ZMAT4: variants seen among roughly 807,000 people sequenced by gnomAD.
ZMAT4 encodes the protein zinc finger matrin-type protein 4.
ZMAT4 carries 17 observed loss-of-function variants against 28.7 expected under a neutral mutation model. The observed-to-expected ratio is 0.59, with a 90% CI of 0.41 to 0.89. The LOEUF (loss-of-function observed/expected upper bound fraction) is 0.89. Among genes scored for constraint, ZMAT4 ranks in the 40% least tolerant of loss-of-function variants. The probability of loss-of-function intolerance (pLI) is 0.00; values close to 1 mark genes in which losing one functional copy is unlikely to be tolerated. For missense variants in ZMAT4, 240 were observed against 283.8 expected (o/e 0.85, Z 1.11); for synonymous variants, 117 against 109.2 (o/e 1.07, Z -0.44).
intron 6 of ZMAT4, among the ~76,000 whole-genome samples, chr8:40,536,590 G>A (rs140157433): frequency 1.3e-5 from 2 of 152,112 alleles, no homozygotes; most frequent in East Asian, 3.9e-4. Context: ...GCTCCTCTAC[G>A]TGCTGGCTCT....
intron 5 of ZMAT4, among the ~76,000 whole-genome samples, chr8:40,598,103 CTT>C (rs1460665946): frequency 6.6e-6 from 1 of 152,096 alleles, no homozygotes; most frequent in African/African-American, 2.4e-5. Flanking sequence ...AAAGAGCACA[CTT>C]AATTTAATGT....
At chr8:40,690,876 C>T in intron 4 of ZMAT4, 2 of 983,540 alleles carry the variant, frequency 2.0e-6, no homozygotes, top group Non-Finnish European at 2.4e-6. Flanking sequence ...ATACAATAAA[C>T]ACACTTACAA....
chr8:40,589,689 C>T (rs1313230243), intron 5 of ZMAT4, among the ~76,000 whole-genome samples: 1 of 146,412 alleles, frequency 6.8e-6, no homozygotes, highest in African/African-American at 2.5e-5. Context: ...ACATCTTACA[C>T]TTAGAGACCT....
chr8:40,793,729 CTA>C (rs1455207065), intron 2 of ZMAT4, among the ~76,000 whole-genome samples: 1 of 152,198 alleles, frequency 6.6e-6, no homozygotes, highest in Non-Finnish European at 1.5e-5. Flanking sequence ...TGATTTGTAT[CTA>C]TGTCGTTTGT....
At chr8:40,617,994 A>C (rs909750157) in intron 5 of ZMAT4, among the ~76,000 whole-genome samples, 2 of 152,312 alleles carry the variant, frequency 1.3e-5, no homozygotes. Context: ...GACCACTGGA[A>C]TATTCTCTCA....
At chr8:40,593,876 T>C (rs1804993276) in intron 5 of ZMAT4, among the ~76,000 whole-genome samples, 1 of 152,166 alleles carries the variant, frequency 6.6e-6, no homozygotes, top group African/African-American at 2.4e-5. Context: ...TCTCCCCTGC[T>C]TGGAGACACA....
chr8:40,848,956 G>A (rs1168120399), intron 1 of ZMAT4, among the ~76,000 whole-genome samples: 1 of 152,218 alleles, frequency 6.6e-6, no homozygotes, highest in African/African-American at 2.4e-5. Flanking sequence ...TCCAGACTCA[G>A]CAGCAAGGAG....
intron 2 of ZMAT4, among the ~76,000 whole-genome samples, chr8:40,822,763 C>A (rs1325024037): frequency 6.6e-6 from 1 of 152,154 alleles, no homozygotes; most frequent in Non-Finnish European, 1.5e-5. Flanking sequence ...TTACCTCTGC[C>A]TGGAAGAAGG....
intron 6 of ZMAT4, among the ~76,000 whole-genome samples, chr8:40,558,809 G>T (rs551751661): frequency 1.4e-4 from 21 of 152,088 alleles, no homozygotes; most frequent in Admixed American, 1.1e-3. Flanking sequence ...GCCACGACAG[G>T]ATGAGAGGTC....
chr8:40,875,040 G>T (rs1002783796), intron 1 of ZMAT4, among the ~76,000 whole-genome samples: 1 of 152,204 alleles, frequency 6.6e-6, no homozygotes, highest in African/African-American at 2.4e-5. Context: ...GGCTGTATTT[G>T]TTGGTACCTC....
chr8:40,777,397 G>T (rs1813643223), intron 2 of ZMAT4, among the ~76,000 whole-genome samples: 1 of 152,106 alleles, frequency 6.6e-6, no homozygotes, highest in African/African-American at 2.4e-5. Flanking sequence ...AGACCATAAG[G>T]CTGAACAAGC....
At chr8:40,560,644 CTG>C (rs1803706409) in intron 6 of ZMAT4, among the ~76,000 whole-genome samples, 2 of 152,042 alleles carry the variant, frequency 1.3e-5, no homozygotes, top group African/African-American at 4.8e-5. Flanking sequence ...ATAGATTTGC[CTG>C]ATAATATGAA....
At chr8:40,649,782 C>T (rs542845735) in intron 5 of ZMAT4, among the ~76,000 whole-genome samples, 9 of 151,928 alleles carry the variant, frequency 5.9e-5, no homozygotes, top group Non-Finnish European at 1.0e-4. Flanking sequence ...CACTCAAAAC[C>T]GCTCAACTAC....
chr8:40,552,442 T>C (rs944123272), intron 6 of ZMAT4, among the ~76,000 whole-genome samples: 3 of 152,166 alleles, frequency 2.0e-5, no homozygotes, highest in African/African-American at 7.2e-5. Flanking sequence ...CTTTATGTCC[T>C]CTCCCTCTTT....
intron 1 of ZMAT4, among the ~76,000 whole-genome samples, chr8:40,878,197 T>C (rs912399046): frequency 6.6e-6 from 1 of 152,150 alleles, no homozygotes; most frequent in Non-Finnish European, 1.5e-5. Context: ...GCCAGTATCA[T>C]TGAACGGAAG....
At chr8:40,708,082 C>G (rs1353738869) in intron 3 of ZMAT4, among the ~76,000 whole-genome samples, 1 of 152,154 alleles carries the variant, frequency 6.6e-6, no homozygotes, top group Non-Finnish European at 1.5e-5. Context: ...TGGTTGTTCT[C>G]ATGAACCTCA....
chr8:40,738,097 C>A (rs1337201458), intron 3 of ZMAT4, among the ~76,000 whole-genome samples: 3 of 151,788 alleles, frequency 2.0e-5, no homozygotes, highest in Non-Finnish European at 2.9e-5. Flanking sequence ...AGAATGAGTC[C>A]CAAGAATCAG....
At chr8:40,539,030 C>G (rs1424201440) in intron 6 of ZMAT4, among the ~76,000 whole-genome samples, 3 of 152,050 alleles carry the variant, frequency 2.0e-5, no homozygotes, top group African/African-American at 7.2e-5. Flanking sequence ...GTGATCCACC[C>G]GCCTTGGCCT....
chr8:40,856,227 T>TGTGA (rs1490720000), intron 1 of ZMAT4, among the ~76,000 whole-genome samples: 1 of 152,148 alleles, frequency 6.6e-6, no homozygotes, highest in Non-Finnish European at 1.5e-5. Context: ...TTAGGAAAGA[T>TGTGA]GTGAGCGCCA....
Sources: allele counts gnomAD v4.1 joint callset (sites outside exome capture counted in the v4.1 genomes callset), GRCh38; gene constraint gnomAD v4.1.1; transcripts MANE v1.5; gene names NCBI Gene and HGNC (gene_info 2026-07-23, HGNC 2026-07-21).